The following URI1 variants were observed in gnomAD, a reference collection of about 807,000 sequenced individuals.
The protein encoded by URI1 is unconventional prefoldin RPB5 interactor 1.
URI1 carries 39 observed loss-of-function variants against 60.2 expected under a neutral mutation model. The ratio of observed to expected loss-of-function variants is 0.65; its 90% CI spans 0.50 to 0.85. The LOEUF is 0.85. Among genes scored for constraint, URI1 ranks in the 40% least tolerant of loss-of-function variants. The pLI, the probability that URI1 is intolerant of heterozygous loss-of-function variation, is 0.00. For synonymous variants in URI1, 251 were observed against 236.8 expected, an observed-to-expected ratio of 1.06 and a Z score of -0.55; for missense variants, 691 against 665.9, an observed-to-expected ratio of 1.04 and a Z score of -0.42.
chr19:29,934,563 T>C (rs1599648830), intron 1 of URI1, among the ~76,000 whole-genome samples: 1 of 152,128 alleles, frequency 6.6e-6, no homozygotes, highest in Non-Finnish European at 1.5e-5. Flanking sequence ...TGACATGAGG[T>C]CTTGCTCTGT....
At chr19:29,965,926 G>T (rs943340508) in intron 1 of URI1, among the ~76,000 whole-genome samples, 1 of 152,204 alleles carries the variant, frequency 6.6e-6, no homozygotes, top group African/African-American at 2.4e-5. Flanking sequence ...TTAGAAGCCT[G>T]TGTAGGAGGA....
chr19:29,962,686 C>CT (rs201098772), intron 1 of URI1, among the ~76,000 whole-genome samples: 39 of 148,650 alleles, frequency 2.6e-4, no homozygotes, highest in Non-Finnish European at 4.2e-4. Flanking sequence ...TTGTTGCTGT[C>CT]TTTTTTTTAA....
At chr19:29,977,020 GAA>G (rs1374105392) in intron 2 of URI1, among the ~76,000 whole-genome samples, 2 of 152,012 alleles carry the variant, frequency 1.3e-5, no homozygotes, top group Non-Finnish European at 2.9e-5. Flanking sequence ...TTGTTCAGAG[GAA>G]AAGAGTAACT....
intron 2 of URI1, among the ~76,000 whole-genome samples, chr19:29,973,800 C>T (rs1219326394): frequency 2.0e-4 from 31 of 152,086 alleles, no homozygotes; most frequent in Non-Finnish European, 2.9e-5. Context: ...AGGAAAGATT[C>T]AAGCCTATTG....
chr19:29,995,224 A>C (rs1204570773), intron 4 of URI1, among the ~76,000 whole-genome samples: 1 of 152,150 alleles, frequency 6.6e-6, no homozygotes, highest in Non-Finnish European at 1.5e-5. Flanking sequence ...ATATAAAATA[A>C]ATATATTTTG....
rs555041264 is a variant in URI1 at position 29,954,467 on chromosome 19, C to T, written c.117+11803C>T. ...AAAAGTTATCCCTACTGAGGTAATT[C>T]TGATTCATTCCCATTCCTGCTCTTA... is the stretch of plus-strand genomic sequence containing the variant. On this transcript the variant is annotated intron_variant, in intron 1 of 10. Coordinates refer to ENST00000392271, the MANE Select transcript of URI1 (RefSeq NM_003796.3). Among the ~76,000 whole-genome samples the T allele has an allele frequency of 4.0e-5, 6 of 150,168 alleles. No individual in the cohort carries two copies. In the South Asian group the frequency reaches 1.3e-3, roughly 32 times the overall value.
chr19:29,936,538 G>A (rs909398244), intron 1 of URI1, among the ~76,000 whole-genome samples: 1 of 152,174 alleles, frequency 6.6e-6, no homozygotes, highest in Non-Finnish European at 1.5e-5. Context: ...GTGAGTTTCA[G>A]TATGAATCTC....
At chr19:29,982,111 C>T (rs950044967) in intron 2 of URI1, among the ~76,000 whole-genome samples, 1 of 152,200 alleles carries the variant, frequency 6.6e-6, no homozygotes, top group Non-Finnish European at 1.5e-5. Context: ...GCTGTAGTTT[C>T]TTCCAGAGAC....
chr19:29,926,152 A>G (rs2054863782), intron 1 of URI1, among the ~76,000 whole-genome samples: 1 of 151,318 alleles, frequency 6.6e-6, no homozygotes, highest in South Asian at 2.1e-4. Flanking sequence ...TGTTGGTTAC[A>G]TGAATAAGTT....
intron 7 of URI1, 88 bp from the exon 8 acceptor site, chr19:30,008,917 G>A: frequency 2.0e-6 from 2 of 1,021,758 alleles, no homozygotes; most frequent in Non-Finnish European, 2.8e-6. Flanking sequence ...CAAGATCTTA[G>A]TATTTACCCA....
At chr19:29,950,119 G>T (rs150432220) in intron 1 of URI1, among the ~76,000 whole-genome samples, 1,633 of 152,258 alleles carry the variant, frequency 0.011, 12 homozygotes, top group Non-Finnish European at 0.014. Context: ...CCAGTAATGT[G>T]CCATAAGAAG....
intron 1 of URI1, among the ~76,000 whole-genome samples, chr19:29,933,176 G>C (rs553826579): frequency 6.6e-6 from 1 of 152,270 alleles, no homozygotes; most frequent in African/African-American, 2.4e-5. Context: ...TCAATCTTTA[G>C]AAGAGTTTGA....
intron 8 of URI1, among the ~76,000 whole-genome samples, chr19:30,010,597 A>G (rs993004084): frequency 6.6e-6 from 1 of 152,146 alleles, no homozygotes; most frequent in Non-Finnish European, 1.5e-5. Flanking sequence ...TGTTAACCCC[A>G]TGTGAACCCT....
chr19:29,984,057 A>G (rs1260603795), intron 2 of URI1, among the ~76,000 whole-genome samples: 1 of 152,198 alleles, frequency 6.6e-6, no homozygotes, highest in Admixed American at 6.5e-5. Context: ...GATGAGGACT[A>G]AAGCATCTGA....
intron 5 of URI1, 39 bp from the exon 6 acceptor site, chr19:30,005,612 T>G: frequency 6.3e-7 from 1 of 1,596,876 alleles, no homozygotes; most frequent in Non-Finnish European, 8.5e-7. Flanking sequence ...TGCTGGAGAT[T>G]TGTGTTGTTA....
chr19:29,989,079 T>A (rs868646757), intron 4 of URI1, among the ~76,000 whole-genome samples: 2 of 152,176 alleles, frequency 1.3e-5, no homozygotes, highest in Non-Finnish European at 2.9e-5. Context: ...TGAACTCTTT[T>A]GCCCATTTTA....
At chr19:30,007,668 T>A in intron 7 of URI1, 30 bp downstream of exon 7, 2 of 1,544,414 alleles carry the variant, frequency 1.3e-6, no homozygotes, top group African/African-American at 2.8e-5. Flanking sequence ...CTTTCCAAGA[T>A]AATTTGTTTC....
intron 4 of URI1, among the ~76,000 whole-genome samples, chr19:29,993,972 A>G (rs907572356): frequency 6.6e-6 from 1 of 151,478 alleles, no homozygotes; most frequent in African/African-American, 2.4e-5. Context: ...ATTGTACTCT[A>G]TTTAGCCAGT....
intron 1 of URI1, among the ~76,000 whole-genome samples, chr19:29,934,132 C>T (rs1017179917): frequency 3.3e-5 from 5 of 151,866 alleles, no homozygotes; most frequent in Non-Finnish European, 7.4e-5. Context: ...GACGGGGTTT[C>T]ACCATGTTGG....
Sources: allele counts gnomAD v4.1 joint callset (sites outside exome capture counted in the v4.1 genomes callset), GRCh38; gene constraint gnomAD v4.1.1; transcripts MANE v1.5; gene names NCBI Gene and HGNC (gene_info 2026-07-23, HGNC 2026-07-21).